The following PORCN variants were observed in gnomAD, a reference collection of about 807,000 sequenced individuals.
PORCN encodes protein-serine O-palmitoleoyltransferase porcupine.
A neutral mutation model predicts 43.0 loss-of-function variants in PORCN; 1 was observed. The observed-to-expected ratio is 0.02, with a 90% CI of 0.01 to 0.11. The LOEUF is 0.11. PORCN is among the 10% of genes least tolerant of loss of function. The pLI, the probability that PORCN is intolerant of heterozygous loss-of-function variation, is 1.00. For missense variants in PORCN, 240 were observed against 392.1 expected (o/e 0.61, Z 3.28); for synonymous variants, 148 against 166.4 (o/e 0.89, Z 0.85).
intron 13 of PORCN, 146 bp from the exon 14 acceptor site, chrX:48,517,037 C>T (rs782278478): frequency 7.4e-4 from 363 of 488,568 alleles, no homozygotes; most frequent in Non-Finnish European, 1.1e-3. Flanking sequence ...CCTGAACCAT[C>T]TCTTCCCTAT....
Position 48,514,644 on chromosome X carries a change from A to C in PORCN, c.946+19A>C, listed in dbSNP as rs1244346640. The C allele has an allele frequency of 6.2e-6, 7 of 1,135,328 alleles. No homozygotes were observed. The highest frequency in any genetic ancestry group is 8.5e-6 in the Non-Finnish European group (7 of 827,641). 93.6% of individuals were successfully genotyped at this position (1,135,328 alleles called of 1,213,427 possible). A position where few individuals can be genotyped will look rare whatever the true frequency, so the allele number is the denominator to read the frequency against. Reference sequence around the variant, plus strand: ...AATAACTGTGAGTCACCAAGTCACCACTCCAGCTGTGTTGGTAATCCAGGC... The same window carrying C: ...AATAACTGTGAGTCACCAAGTCACCCCTCCAGCTGTGTTGGTAATCCAGGC... On this transcript the variant is annotated intron_variant, in intron 10 of 14. Transcript: ENST00000326194.
chrX:48,512,084 C>T (rs889982779), intron 4 of PORCN, 149 bp downstream of exon 4: 1 of 562,623 alleles, frequency 1.8e-6, no homozygotes, highest in Admixed American at 2.6e-5. Flanking sequence ...CTCTTGGGTC[C>T]GTGTCTCTTT....
chrX:48,515,098 G>A (rs2147133093), intron 10 of PORCN, among the ~76,000 whole-genome samples: 1 of 112,553 alleles, frequency 8.9e-6, no homozygotes, highest in South Asian at 3.6e-4. Flanking sequence ...AGGCCAGCAG[G>A]GCAGGAGCAG....
At position 48,514,643 on chromosome X, in the gene PORCN, C is replaced by T. The variant is rs1556974841; in HGVS notation, c.946+18C>T. On this transcript the variant is annotated intron_variant, in intron 10 of 14. Coordinates refer to ENST00000326194, the MANE Select transcript of PORCN (RefSeq NM_203475.3). ...AAATAACTGTGAGTCACCAAGTCAC[C>T]ACTCCAGCTGTGTTGGTAATCCAGG... 1.7e-5 allele frequency: 19 copies of T among 1,138,664 alleles called. No homozygotes were observed. The highest frequency in any genetic ancestry group is 2.3e-5 in the Non-Finnish European group (19 of 830,082). The allele number at this position is 1,138,664 out of a possible 1,213,427, so 93.8% of individuals were successfully genotyped here.
At chrX:48,510,726 G>A (rs781885575) in intron 2 of PORCN, among the ~76,000 whole-genome samples, 1 of 106,358 alleles carries the variant, frequency 9.4e-6, no homozygotes, top group East Asian at 2.9e-4. Context: ...ATCTTGCCAC[G>A]TTAGCTGGCT....
rs2061700937 is a variant in PORCN, at chrX:48,514,512, C to T, written c.846-13C>T. The T allele has an allele frequency of 1.7e-6, 2 of 1,203,931 alleles. No individual in the cohort carries two copies. Among genetic ancestry groups the T allele is most frequent in the Non-Finnish European group, 2.2e-6 (2 of 889,526 alleles). ...AGATCCCAAATGGATTTGCATATCT[C>T]TTCTGCCCCCAGGGACCTGACGGTG... is the stretch of plus-strand genomic sequence containing the variant. On this transcript the variant is annotated splice_polypyrimidine_tract_variant and intron_variant, in intron 9 of 14. Transcript: ENST00000326194.
At chrX:48,512,037 A>G in intron 4 of PORCN, 102 bp downstream of exon 4, 1 of 651,718 alleles carries the variant, frequency 1.5e-6, no homozygotes, top group Admixed American at 2.5e-5. Flanking sequence ...TTTCTCCCTC[A>G]CCTGCCCACC....
At chrX:48,517,833 G>C (rs1465714274) in intron 14 of PORCN, among the ~76,000 whole-genome samples, 2 of 111,241 alleles carry the variant, frequency 1.8e-5, no homozygotes, top group African/African-American at 6.5e-5. Context: ...TCACTTTATA[G>C]AGATGGAGTG....
intron 10 of PORCN, 59 bp from the exon 11 acceptor site, chrX:48,515,658 C>A: frequency 9.7e-7 from 1 of 1,028,294 alleles, no homozygotes; most frequent in Non-Finnish European, 1.4e-6. Context: ...GCTGATGGCC[C>A]TCCAGGAGGG....
Position 48,520,741 on chromosome X carries a change from C to G in PORCN, c.*265C>G. ...AAACAGAGAAGGGGAGATCCAGGGC[C>G]TCCCCGCCTTCCTTCTTCCTTTTTA... is the stretch of plus-strand genomic sequence containing the variant. On this transcript the variant is annotated 3_prime_UTR_variant, in exon 15 of 15. Coordinates refer to ENST00000326194, the MANE Select transcript of PORCN (RefSeq NM_203475.3). The G allele has an allele frequency of 2.5e-6, 1 of 406,566 alleles. No homozygotes were observed. The highest frequency in any genetic ancestry group is 4.3e-6 in the Non-Finnish European group (1 of 231,182). The allele number at this position is 406,566 out of a possible 1,213,427, so 33.5% of individuals were successfully genotyped here.
chrX:48,519,191 A>C (rs981373516), intron 14 of PORCN, among the ~76,000 whole-genome samples: 1 of 110,964 alleles, frequency 9.0e-6, no homozygotes, highest in Admixed American at 9.6e-5. Context: ...TCCTGACCTC[A>C]GGTAATCCAC....
chrX:48,514,575 T>C lies in PORCN; in HGVS notation c.896T>C (p.Val299Ala), dbSNP rs1158822302. The part of the protein sequence containing the change: ...PLNVELPRSM[V>A]EVVTSWNLPM... ...AATGTGGAGCTGCCTCGGTCAATGGTGGAAGTTGTCACAAGCTGGAACCTG... is the reference window on the plus strand; with the variant it reads ...AATGTGGAGCTGCCTCGGTCAATGGCGGAAGTTGTCACAAGCTGGAACCTG... The change falls in exon 10 of 15, where the codon GTG (valine) becomes GCG (alanine). Residue 299 changes from valine to alanine, a missense_variant. Val to Ala is a moderately conservative substitution (Grantham distance 64). Transcript: ENST00000326194. 100 of 1,210,277 alleles carry C rather than the reference T, an allele frequency of 8.3e-5. No individual in the cohort carries two copies. The highest frequency in any genetic ancestry group is 1.1e-4 in the Non-Finnish European group (97 of 895,139).
In PORCN at chrX:48,514,144, G is replaced by A. The variant is rs782087070; in HGVS notation, c.719+3G>A. The A allele has an allele frequency of 6.6e-6, 8 of 1,210,252 alleles. No individual in the cohort carries two copies. The highest frequency in any genetic ancestry group is 8.9e-6 in the Non-Finnish European group (8 of 895,237). On this transcript the variant is annotated splice_donor_region_variant and intron_variant, in intron 8 of 14. Coordinates refer to ENST00000326194, the MANE Select transcript of PORCN (RefSeq NM_203475.3). ...GGCCCTAGGGGCACCATGGTAAGGT[G>A]AGTCTACAGAGCGGGGCCCAGGATG...
chrX:48,513,069 G>C (rs1427991225), intron 7 of PORCN, among the ~76,000 whole-genome samples: 1 of 112,564 alleles, frequency 8.9e-6, no homozygotes, highest in East Asian at 2.8e-4. Flanking sequence ...CATCTGTTCA[G>C]CTGTCTCGCT....
Position 48,511,339 on chromosome X carries a change from T to C in PORCN, c.181T>C (p.Phe61Leu). The change falls in exon 3 of 15, where the codon TTC becomes CTC. Residue 61 changes from phenylalanine (F) to leucine (L), a missense_variant. Phe to Leu is a conservative substitution (Grantham distance 22). Coordinates refer to ENST00000326194, the MANE Select transcript of PORCN (RefSeq NM_203475.3). ...LKHASTVAGG[F>L]FSLYHFFQLH... ...GCATGCAAGCACCGTGGCAGGCGGG[T>C]TCTTCAGCCTCTACCACTTCTTCCA... The C allele has an allele frequency of 1.7e-6, 2 of 1,211,386 alleles. No individual in the cohort carries two copies. Among genetic ancestry groups the C allele is most frequent in the Non-Finnish European group, 2.2e-6 (2 of 895,382 alleles).
rs782612454 is a variant in PORCN at position 48,520,597 on chromosome X, A to G, written c.*121A>G. On this transcript the variant is annotated 3_prime_UTR_variant, in exon 15 of 15. Transcript: ENST00000326194. ...CTCCATCCTTGACCCCCAACACCTC[A>G]ACACACACACACACACACACACACA... is the stretch of plus-strand genomic sequence containing the variant. 8.2e-6 allele frequency: 4 copies of G among 487,246 alleles called. No homozygotes were observed. The highest frequency in any genetic ancestry group is 1.5e-5 in the Non-Finnish European group (4 of 272,346). 40.2% of individuals were successfully genotyped at this position (487,246 alleles called of 1,213,427 possible).
chrX:48,511,982 C>T (rs782130771), intron 4 of PORCN, 47 bp downstream of exon 4: 9 of 1,049,505 alleles, frequency 8.6e-6, no homozygotes, highest in Admixed American at 2.2e-5. Flanking sequence ...CTGCCCCACT[C>T]CTCGTCTCCT....
chrX:48,509,655 C>G (rs1556973433), intron 1 of PORCN, 129 bp from the exon 2 acceptor site: 50 of 1,148,844 alleles, frequency 4.4e-5, no homozygotes, highest in Non-Finnish European at 5.8e-5. Flanking sequence ...ACGCCTTCCC[C>G]CAGTCCTCCA....
chrX:48,509,372 A>G, intron 1 of PORCN: 1 of 363,342 alleles, frequency 2.8e-6, no homozygotes. Flanking sequence ...ACAAGGAGAG[A>G]TGCACACGGC....
Sources: gnomAD v4.1 joint callset for allele counts (sites outside exome capture counted in the v4.1 genomes callset) on GRCh38, gnomAD v4.1.1 for gene constraint, MANE v1.5 for transcripts, NCBI Gene and HGNC (gene_info 2026-07-23, HGNC 2026-07-21) for gene names.